Variants in ARMH3 observed in about 807,000 individuals in gnomAD.
The protein encoded by ARMH3 is armadillo like helical domain containing 3.
Under a neutral mutation model 99.1 loss-of-function variants are expected in ARMH3, and 60 were observed. The observed-to-expected ratio is 0.61, with a 90% CI of 0.49 to 0.75. The LOEUF is 0.75. Among genes scored for constraint, ARMH3 ranks in the 30% least tolerant of loss-of-function variants. The pLI is 0.00. For missense variants in ARMH3, 679 were observed against 843.1 expected (o/e 0.81, Z 2.41); for synonymous variants, 285 against 292.8 (o/e 0.97, Z 0.27).
intron 23 of ARMH3, among the ~76,000 whole-genome samples, chr10:101,903,413 G>C (rs1034141624): frequency 1.3e-5 from 2 of 152,136 alleles, no homozygotes; most frequent in Non-Finnish European, 2.9e-5. Context: ...AGACACACAC[G>C]ACAGACAGAT....
chr10:101,961,280 CT>C (rs1261664748), intron 20 of ARMH3, among the ~76,000 whole-genome samples: 1 of 152,124 alleles, frequency 6.6e-6, no homozygotes, highest in Non-Finnish European at 1.5e-5. Context: ...TCACCTCCAC[CT>C]CTCTATCCCT....
At chr10:101,923,128 T>C (rs1438400290) in intron 23 of ARMH3, among the ~76,000 whole-genome samples, 1 of 151,952 alleles carries the variant, frequency 6.6e-6, no homozygotes, top group Non-Finnish European at 1.5e-5. Flanking sequence ...CAGGGAGAAA[T>C]GTATAATCGA....
At chr10:102,021,311 C>T (rs1352394129) in intron 8 of ARMH3, among the ~76,000 whole-genome samples, 1 of 151,958 alleles carries the variant, frequency 6.6e-6, no homozygotes, top group Admixed American at 6.6e-5. Context: ...AACTCCTGGG[C>T]TCAAGCAATC....
chr10:101,947,966 G>T (rs1304428827), intron 22 of ARMH3, among the ~76,000 whole-genome samples: 1 of 151,846 alleles, frequency 6.6e-6, no homozygotes, highest in Non-Finnish European at 1.5e-5. Context: ...CCAAAAGCCA[G>T]CTAATAAATT....
At chr10:102,054,614 G>T (rs1049705424) in intron 1 of ARMH3, among the ~76,000 whole-genome samples, 9 of 152,090 alleles carry the variant, frequency 5.9e-5, no homozygotes, top group African/African-American at 2.2e-4. Context: ...TTCCAATCCT[G>T]CTAAGTTACG....
intron 24 of ARMH3, among the ~76,000 whole-genome samples, chr10:101,874,016 T>A (rs1051286106): frequency 3.3e-5 from 5 of 152,220 alleles, no homozygotes; most frequent in African/African-American, 1.2e-4. Context: ...AGTGTCATGA[T>A]GTATATGAAT....
intron 4 of ARMH3, 152 bp from the exon 5 acceptor site, chr10:102,029,897 T>C: frequency 2.5e-6 from 2 of 811,680 alleles, no homozygotes; most frequent in South Asian, 3.8e-5. Flanking sequence ...TTTTTGGTTT[T>C]TTCCGTTTGG....
chr10:101,870,195 C>A (rs60080977), intron 24 of ARMH3, among the ~76,000 whole-genome samples: 1 of 152,242 alleles, frequency 6.6e-6, no homozygotes, highest in East Asian at 1.9e-4. Context: ...CACTATAAAT[C>A]CTACAGGGAT....
At chr10:101,999,059 TGCCAAATTGTTAAGAGTGATTAACTCTG>T (rs2136047899) in intron 15 of ARMH3, among the ~76,000 whole-genome samples, 1 of 152,336 alleles carries the variant, frequency 6.6e-6, no homozygotes, top group East Asian at 1.9e-4. Context: ...GAAGAATCTA[TGCCAAATTGTTAAGAGTGATTAACTCTG>T]GAGAGTTTAA....
chr10:101,982,089 A>G (rs574413841), intron 19 of ARMH3, among the ~76,000 whole-genome samples: 1 of 150,210 alleles, frequency 6.7e-6, no homozygotes, highest in South Asian at 2.1e-4. Flanking sequence ...AATATTTTAC[A>G]GGCCGGGTAT....
chr10:101,974,044 C>T lies in ARMH3; in HGVS notation c.1495+1168G>A, dbSNP rs1374979168. On this transcript the variant is annotated intron_variant, in intron 20 of 25. Coordinates refer to ENST00000370033, the MANE Select transcript of ARMH3 (RefSeq NM_024541.3). ...TGGTCATTTCCATCTCTTTTGATCTCTCTTTAACTCTCCTGACATTCTTTC... is the reference window on the plus strand; with the variant it reads ...TGGTCATTTCCATCTCTTTTGATCTTTCTTTAACTCTCCTGACATTCTTTC... Among the ~76,000 whole-genome samples, 3 of 152,142 alleles carry T rather than the reference C, an allele frequency of 2.0e-5. No individual in the cohort carries two copies. In the East Asian group the frequency reaches 5.8e-4, roughly 29 times the overall value.
chr10:101,933,599 A>G (rs1843820459), intron 23 of ARMH3, among the ~76,000 whole-genome samples: 1 of 152,222 alleles, frequency 6.6e-6, no homozygotes, highest in Non-Finnish European at 1.5e-5. Flanking sequence ...GCTCCCAGTC[A>G]TTGGGTAAAC....
chr10:101,990,139 A>T (rs970409896), intron 19 of ARMH3, among the ~76,000 whole-genome samples: 4 of 152,062 alleles, frequency 2.6e-5, no homozygotes, highest in Non-Finnish European at 4.4e-5. Context: ...CTCCACATGC[A>T]AATGTGTTTT....
At chr10:101,866,482 T>TAA (rs58252053) in intron 24 of ARMH3, among the ~76,000 whole-genome samples, 173 of 126,758 alleles carry the variant, frequency 1.4e-3, no homozygotes, top group Middle Eastern at 4.0e-3. Context: ...AGGACAAGTG[T>TAA]AAAAAAAAAA....
intron 24 of ARMH3, among the ~76,000 whole-genome samples, chr10:101,870,956 C>A (rs1490852606): frequency 2.6e-5 from 4 of 151,780 alleles, no homozygotes; most frequent in Non-Finnish European, 5.9e-5. Context: ...ACCCAAACAA[C>A]AAACAAACAA....
At chr10:102,033,934 T>A (rs1002402832) in intron 2 of ARMH3, among the ~76,000 whole-genome samples, 4 of 152,186 alleles carry the variant, frequency 2.6e-5, no homozygotes, top group African/African-American at 4.8e-5. Context: ...AATAAGTTAG[T>A]CACATCACAA....
chr10:101,880,058 G>C (rs2067372493), intron 24 of ARMH3, among the ~76,000 whole-genome samples: 1 of 152,214 alleles, frequency 6.6e-6, no homozygotes, highest in Non-Finnish European at 1.5e-5. Context: ...AAGAAGGCAG[G>C]GTTGGATGGC....
Position 101,888,056 on chromosome 10 carries a change from C to T in ARMH3, c.1860+1356G>A, listed in dbSNP as rs555871673. 2.1e-5 allele frequency among the ~76,000 whole-genome samples: 3 copies of T among 143,180 alleles called. No individual in the cohort carries two copies. In the South Asian group the frequency reaches 6.7e-4, roughly 32 times the overall value. The allele number at this position is 143,180 out of a possible 152,430, so 93.9% of individuals were successfully genotyped here. The stretch of plus-strand genomic sequence containing the variant: ...TGCACGTGGCTGACAGAGTAAATGT[C>T]TCCTTTTTTTTTTTTTTAAAAAAAA... On this transcript the variant is annotated intron_variant, in intron 24 of 25. Transcript: ENST00000370033.
At chr10:102,025,052 T>A in intron 6 of ARMH3, 104 bp downstream of exon 6, 1 of 945,672 alleles carries the variant, frequency 1.1e-6, no homozygotes, top group African/African-American at 1.6e-5. Context: ...AATACCCTCA[T>A]TGAGAATATT....
Sources: gnomAD v4.1 joint callset for allele counts (sites outside exome capture counted in the v4.1 genomes callset) on GRCh38, gnomAD v4.1.1 for gene constraint, MANE v1.5 for transcripts, NCBI Gene and HGNC (gene_info 2026-07-23, HGNC 2026-07-21) for gene names.